The following MTMR9 variants were observed in gnomAD, a reference collection of about 807,000 sequenced individuals.
MTMR9 encodes myotubularin related protein 9.
MTMR9 carries 39 observed loss-of-function variants against 69.5 expected under a neutral mutation model. That is an observed-to-expected ratio of 0.56 (90% confidence interval 0.43 to 0.73). The LOEUF is 0.73. MTMR9 is among the 30% of genes least tolerant of loss of function. The pLI, the probability that MTMR9 is intolerant of heterozygous loss-of-function variation, is 0.00. For missense variants in MTMR9, 900 were observed against 671.2 expected (o/e 1.34, Z -3.77); for synonymous variants, 354 against 240.8 (o/e 1.47, Z -4.35).
chr8:11,288,322 T>C (rs1799263809), intron 1 of MTMR9, among the ~76,000 whole-genome samples: 1 of 139,968 alleles, frequency 7.1e-6, no homozygotes, highest in Admixed American at 7.7e-5. Context: ...ATATATAATA[T>C]ATATACATAA....
intron 1 of MTMR9, 27 bp downstream of exon 1, chr8:11,285,097 G>T (rs976351643): frequency 4.6e-6 from 7 of 1,528,914 alleles, no homozygotes; most frequent in Middle Eastern, 1.8e-4. Context: ...CCCCAGCTCC[G>T]CAGGGAGCCG....
At chr8:11,315,327 G>C (rs1005702045) in intron 7 of MTMR9, among the ~76,000 whole-genome samples, 3 of 152,194 alleles carry the variant, frequency 2.0e-5, no homozygotes, top group Non-Finnish European at 4.4e-5. Flanking sequence ...AGAATGGGAA[G>C]CATAGTGCAA....
intron 2 of MTMR9, chr8:11,298,896 C>G: frequency 1.0e-6 from 1 of 984,514 alleles, no homozygotes; most frequent in Non-Finnish European, 1.2e-6. Context: ...CCATTTGGGG[C>G]TGATAGAGTT....
Position 11,314,928 on chromosome 8 carries a change from G to A in MTMR9, c.977G>A (p.Gly326Glu). Reference sequence around the variant, plus strand: ...TTCCCTGATTTTCCTATCAGGGAAGGAGCATCAATATTGATTCACGGAACA... The same window carrying A: ...TTCCCTGATTTTCCTATCAGGGAAGAAGCATCAATATTGATTCACGGAACA... The part of the protein sequence containing the change: ...CLAAQCIDRE[G>E]ASILIHGTEG... Residue 326 changes from glycine (G) to glutamate (E), a missense_variant, in exon 7 of 10, where the codon GGA becomes GAA. Coordinates refer to ENST00000221086, the MANE Select transcript of MTMR9 (RefSeq NM_015458.4). 1 of 1,613,536 alleles carries A rather than the reference G, an allele frequency of 6.2e-7. No individual in the cohort carries two copies. The highest frequency in any genetic ancestry group is 8.5e-7 in the Non-Finnish European group (1 of 1,179,622).
chr8:11,286,972 G>C (rs1241298546), intron 1 of MTMR9, among the ~76,000 whole-genome samples: 1 of 152,076 alleles, frequency 6.6e-6, no homozygotes, highest in Non-Finnish European at 1.5e-5. Context: ...ATGCCTTTAT[G>C]TTCTGGACGT....
chr8:11,285,954 TTTTTTTTTTTTTTTTTG>T (rs1294302129), intron 1 of MTMR9, among the ~76,000 whole-genome samples: 1 of 139,844 alleles, frequency 7.2e-6, no homozygotes, highest in Non-Finnish European at 1.5e-5. Flanking sequence ...CTTTCTTTTT[TTTTTTTTTTTTTTTTTG>T]GAGACGAAAT....
chr8:11,305,474 C>G (rs1390089646), intron 4 of MTMR9, among the ~76,000 whole-genome samples: 3 of 152,178 alleles, frequency 2.0e-5, no homozygotes, highest in African/African-American at 7.2e-5. Flanking sequence ...ACACTGGAGT[C>G]AGGATTAAAC....
At chr8:11,314,591 T>C (rs1800335763) in intron 6 of MTMR9, among the ~76,000 whole-genome samples, 1 of 152,210 alleles carries the variant, frequency 6.6e-6, no homozygotes, top group Non-Finnish European at 1.5e-5. Flanking sequence ...GCCTTCTGTG[T>C]TAAGAGCTGC....
At chr8:11,321,586 C>G (rs1349682680) in intron 9 of MTMR9, 5 of 444,506 alleles carry the variant, frequency 1.1e-5, no homozygotes, top group Non-Finnish European at 1.4e-5. Context: ...GTGTTTCATG[C>G]TCCTCAACCT....
chr8:11,287,882 A>G (rs1799231644), intron 1 of MTMR9, among the ~76,000 whole-genome samples: 1 of 123,436 alleles, frequency 8.1e-6, no homozygotes, highest in Non-Finnish European at 1.6e-5. Context: ...AATATATAAC[A>G]TATATAATAC....
intron 4 of MTMR9, 44 bp downstream of exon 4, chr8:11,305,058 T>C: frequency 6.4e-7 from 1 of 1,573,680 alleles, no homozygotes; most frequent in Non-Finnish European, 8.7e-7. Context: ...AAGGCTTGGG[T>C]TGGGGATCTT....
At chr8:11,296,775 T>C (rs770369383) in intron 2 of MTMR9, among the ~76,000 whole-genome samples, 1 of 152,248 alleles carries the variant, frequency 6.6e-6, no homozygotes, top group Non-Finnish European at 1.5e-5. Context: ...TAAAAAGTTA[T>C]TTCTTTTCTA....
At chr8:11,285,957 TTTTTTTTTTTTTTG>T (rs1799138757) in intron 1 of MTMR9, among the ~76,000 whole-genome samples, 2 of 140,916 alleles carry the variant, frequency 1.4e-5, no homozygotes, top group South Asian at 2.4e-4. Flanking sequence ...TCTTTTTTTT[TTTTTTTTTTTTTTG>T]GAGACGAAAT....
At chr8:11,298,106 T>A (rs1252557729) in intron 2 of MTMR9, among the ~76,000 whole-genome samples, 1 of 152,174 alleles carries the variant, frequency 6.6e-6, no homozygotes, top group Non-Finnish European at 1.5e-5. Context: ...AATAAGTTAG[T>A]GAAGCTTTTT....
chr8:11,304,537 A>G (rs1015000433), intron 3 of MTMR9, among the ~76,000 whole-genome samples: 1 of 152,198 alleles, frequency 6.6e-6, no homozygotes, highest in Non-Finnish European at 1.5e-5. Context: ...GGGAACTTGT[A>G]CGGTGTTGTC....
intron 3 of MTMR9, 85 bp from the exon 4 acceptor site, chr8:11,304,756 G>A (rs1371416283): frequency 1.1e-5 from 15 of 1,343,240 alleles, no homozygotes; most frequent in Non-Finnish European, 1.5e-5. Flanking sequence ...AGTGAAAGTT[G>A]ACCTCTAAGG....
At chr8:11,311,802 G>A (rs1157277519) in intron 6 of MTMR9, among the ~76,000 whole-genome samples, 1 of 151,800 alleles carries the variant, frequency 6.6e-6, no homozygotes, top group African/African-American at 2.4e-5. Context: ...TTTACCCACG[G>A]TTGAACTTGC....
Position 11,287,817 on chromosome 8 carries a change from A to ATATTTTATT in MTMR9, c.182+2747_182+2748insTATTTTATT, listed in dbSNP as rs1563262787. ...ATAATACATATTATATAATACATAT[A>ATATTTTATT]ATATATAATATATAACATTATATAT... On this transcript the variant is annotated intron_variant, in intron 1 of 9. Transcript: ENST00000221086. Among the ~76,000 whole-genome samples, 12 of 123,514 alleles carry ATATTTTATT rather than the reference A, an allele frequency of 9.7e-5. No individual in the cohort carries two copies. The East Asian group carries it at 1.3e-3, about 13-fold the overall frequency. 81.0% of individuals were successfully genotyped at this position (123,514 alleles called of 152,430 possible). A position where few individuals can be genotyped will look rare whatever the true frequency, so the allele number is the denominator to read the frequency against.
intron 1 of MTMR9, among the ~76,000 whole-genome samples, chr8:11,289,523 A>G (rs925242781): frequency 2.0e-5 from 3 of 151,980 alleles, no homozygotes; most frequent in African/African-American, 4.8e-5. Context: ...TTGAGTTACT[A>G]CTACTCAGTT....
Sources: gnomAD v4.1 joint callset for allele counts (sites outside exome capture counted in the v4.1 genomes callset) on GRCh38, gnomAD v4.1.1 for gene constraint, MANE v1.5 for transcripts, NCBI Gene and HGNC (gene_info 2026-07-23, HGNC 2026-07-21) for gene names.